Variants in NECTIN3 observed in about 807,000 individuals in gnomAD.
NECTIN3 encodes the protein nectin cell adhesion molecule 3, also known as nectin-3.
A neutral mutation model predicts 49.4 loss-of-function variants in NECTIN3; 8 were observed. The observed-to-expected ratio is 0.16, with a 90% confidence interval of 0.10 to 0.29. NECTIN3 has a LOEUF of 0.29. Ranked by LOEUF, NECTIN3 falls within the 10% of genes least tolerant of loss-of-function variation. NECTIN3 has a pLI of 1.00. For missense variants in NECTIN3, 581 were observed against 654.6 expected (o/e 0.89, Z 1.23); for synonymous variants, 277 against 241.1 (o/e 1.15, Z -1.38).
chr3:111,112,928 T>C (rs1307702542), intron 2 of NECTIN3, among the ~76,000 whole-genome samples: 5 of 152,184 alleles, frequency 3.3e-5, no homozygotes, highest in Admixed American at 2.0e-4. Context: ...TCGTTAACTT[T>C]AAGCTACTTT....
At chr3:111,168,329 T>C (rs1253330348) in intron 7 of NECTIN3, among the ~76,000 whole-genome samples, 1 of 152,096 alleles carries the variant, frequency 6.6e-6, no homozygotes, top group African/African-American at 2.4e-5. Flanking sequence ...GCAGAAGATA[T>C]TCCCATGAAG....
intron 5 of NECTIN3, among the ~76,000 whole-genome samples, chr3:111,128,131 A>G (rs1172585124): frequency 6.6e-6 from 1 of 152,022 alleles, no homozygotes; most frequent in Non-Finnish European, 1.5e-5. Context: ...TGAGGTCAGG[A>G]GCTTGAGATC....
At position 111,081,286 on chromosome 3, in the gene NECTIN3, AAAAACAAAAGAC is replaced by A. The variant is rs148316895; in HGVS notation, c.160+9119_160+9130del. 8.4e-4 allele frequency among the ~76,000 whole-genome samples: 128 copies of A among 152,366 alleles called. 1 individual carries two copies. In the East Asian group the frequency reaches 0.023, roughly 27 times the overall value. ...ACAGGGCAAGACTCTGTTTCACCATAAAAACAAAAGACAAAACAAAACAACAAGAAAAACCAC... is the reference window on the plus strand; with the variant it reads ...ACAGGGCAAGACTCTGTTTCACCATAAAAACAAAACAACAAGAAAAACCAC... On this transcript the variant is annotated intron_variant, in intron 1 of 5. Transcript: ENST00000485303.
At position 111,072,108 on chromosome 3, in the gene NECTIN3, C is replaced by G; in HGVS notation, c.91C>G (p.Leu31Val). The G allele has an allele frequency of 6.5e-7, 1 of 1,549,606 alleles. No homozygotes were observed. The highest frequency in any genetic ancestry group is 8.7e-7 in the Non-Finnish European group (1 of 1,146,228). Residue 31 changes from leucine (L) to valine (V), a missense_variant, in exon 1 of 6, where the codon CTG (leucine) becomes GTG (valine). By Grantham distance (32) the Leu-to-Val change is conservative (BLOSUM62 1). This residue lies in a region of NECTIN3 where 109 missense variants were observed against 69.1 expected (regional missense o/e 1.58). Coordinates refer to ENST00000485303, the MANE Select transcript of NECTIN3 (RefSeq NM_015480.3). ...SASLLGAGLL[L>V]QPPTPPPLLL... Reference sequence around the variant, plus strand: ...TTCTCTCCTCGGAGCCGGGCTCCTGCTGCAGCCCCCGACGCCACCTCCGCT... The same window carrying G: ...TTCTCTCCTCGGAGCCGGGCTCCTGGTGCAGCCCCCGACGCCACCTCCGCT...
intron 1 of NECTIN3, among the ~76,000 whole-genome samples, chr3:111,090,517 TTAAC>T (rs1047243231): frequency 3.9e-5 from 6 of 151,950 alleles, no homozygotes; most frequent in African/African-American, 1.4e-4. Flanking sequence ...CATCAAATAT[TTAAC>T]TATCTTATCC....
At chr3:111,182,768 T>C (rs972252900) in intron 7 of NECTIN3, among the ~76,000 whole-genome samples, 4 of 152,106 alleles carry the variant, frequency 2.6e-5, no homozygotes, top group Admixed American at 6.6e-5. Flanking sequence ...TAGTTGGGTA[T>C]TGCCTTGTTA....
At chr3:111,120,947 T>C (rs576487026) in intron 3 of NECTIN3, among the ~76,000 whole-genome samples, 1 of 152,048 alleles carries the variant, frequency 6.6e-6, no homozygotes, top group East Asian at 1.9e-4. Context: ...ATAAATTTTA[T>C]GTATATAAAG....
chr3:111,163,578 C>A (rs924835042), intron 7 of NECTIN3, among the ~76,000 whole-genome samples: 3 of 152,088 alleles, frequency 2.0e-5, no homozygotes, highest in African/African-American at 4.8e-5. Context: ...CAAATCTTTG[C>A]AAGGTTTGTA....
At chr3:111,149,067 G>A (rs577775073) in intron 7 of NECTIN3, among the ~76,000 whole-genome samples, 1 of 152,018 alleles carries the variant, frequency 6.6e-6, no homozygotes, top group South Asian at 2.1e-4. Context: ...TTCCCAATGG[G>A]ATAACCAGTT....
At chr3:111,144,983 T>C (rs1238542842) in exon 6 of NECTIN3, 1 of 1,536,562 alleles carries the variant, frequency 6.5e-7, no homozygotes, top group East Asian at 2.4e-5. Flanking sequence ...ATTGCTATCT[T>C]TGTGACTGTG....
At chr3:111,077,330 T>C in intron 1 of NECTIN3, 1 of 144,042 alleles carries the variant, frequency 6.9e-6, no homozygotes. Context: ...AAACTTTGGT[T>C]TCAACTTTAA....
chr3:111,089,715 AAAATTGCC>A (rs1346253927), intron 1 of NECTIN3, among the ~76,000 whole-genome samples: 14 of 152,096 alleles, frequency 9.2e-5, no homozygotes, highest in African/African-American at 3.1e-4. Flanking sequence ...TGCACTTGAA[AAAATTGCC>A]TTTGTTGGGT....
At chr3:111,103,436 C>G (rs1161866956) in intron 1 of NECTIN3, among the ~76,000 whole-genome samples, 7 of 149,276 alleles carry the variant, frequency 4.7e-5, no homozygotes, top group Non-Finnish European at 8.9e-5. Flanking sequence ...ATTACTGATA[C>G]GTAAGAAAGT....
chr3:111,185,918 G>T (rs1279423254), intron 7 of NECTIN3, among the ~76,000 whole-genome samples: 1 of 152,158 alleles, frequency 6.6e-6, no homozygotes, highest in Non-Finnish European at 1.5e-5. Flanking sequence ...ATAAAATGTT[G>T]TATTATAACT....
chr3:111,071,959 C>G lies in NECTIN3; in HGVS notation c.-59C>G. 8.0e-7 allele frequency: 1 copy of G among 1,254,030 alleles called. No individual in the cohort carries two copies. Among genetic ancestry groups the G allele is most frequent in the Non-Finnish European group, 1.0e-6 (1 of 969,696 alleles). 77.7% of individuals were successfully genotyped at this position (1,254,030 alleles called of 1,614,324 possible). Reference sequence around the variant, plus strand: ...CACAGCCTCCGCCCAGAGCCTGAGGCGCCGGGGCCGGGGGAGCCGGGGGGC... The same window carrying G: ...CACAGCCTCCGCCCAGAGCCTGAGGGGCCGGGGCCGGGGGAGCCGGGGGGC... On this transcript the variant is annotated 5_prime_UTR_variant, in exon 1 of 6. Transcript: ENST00000485303.
At chr3:111,106,880 A>C (rs2033204530) in intron 1 of NECTIN3, among the ~76,000 whole-genome samples, 1 of 114,974 alleles carries the variant, frequency 8.7e-6, no homozygotes, top group Non-Finnish European at 1.9e-5. Context: ...AACATTTGAA[A>C]GATCCTGGGA....
chr3:111,120,385 A>G (rs1243083852), intron 3 of NECTIN3, among the ~76,000 whole-genome samples: 11 of 152,168 alleles, frequency 7.2e-5, no homozygotes, highest in Non-Finnish European at 8.8e-5. Context: ...TTGGAGACCT[A>G]TAAGACATGT....
chr3:111,147,570 G>A (rs947547463), intron 7 of NECTIN3: 24 of 1,108,866 alleles, frequency 2.2e-5, no homozygotes, highest in Non-Finnish European at 2.7e-5. Context: ...TCAAAATGTT[G>A]TTTAGTCATT....
intron 1 of NECTIN3, among the ~76,000 whole-genome samples, chr3:111,101,639 C>G (rs750569433): frequency 7.2e-5 from 11 of 152,088 alleles, no homozygotes; most frequent in Non-Finnish European, 1.5e-4. Context: ...TATAATGTAG[C>G]TATACTGTTC....
Sources: gnomAD v4.1 joint callset for allele counts (sites outside exome capture counted in the v4.1 genomes callset) on GRCh38, gnomAD v4.1.1 for gene constraint, gnomAD v4.1.1 regional missense constraint, MANE v1.5 for transcripts, NCBI Gene and HGNC (gene_info 2026-07-23, HGNC 2026-07-21) for gene names.